The following TMEM40 variants were observed in gnomAD, a reference collection of about 807,000 sequenced individuals.
TMEM40 encodes the protein transmembrane protein 40.
A neutral mutation model predicts 40.8 loss-of-function variants in TMEM40; 34 were observed. The observed-to-expected ratio is 0.83, with a 90% CI of 0.63 to 1.11. The LOEUF is 1.11. Among genes scored for constraint, TMEM40 ranks in the 50% least tolerant of loss-of-function variants. TMEM40 has a pLI of 0.00. For synonymous variants in TMEM40, 106 were observed against 107.0 expected, an observed-to-expected ratio of 0.99 and a Z score of 0.06; for missense variants, 296 against 280.2, an observed-to-expected ratio of 1.06 and a Z score of -0.40.
chr3:12,756,889 C>T (rs2061533000), intron 1 of TMEM40, among the ~76,000 whole-genome samples: 1 of 152,014 alleles, frequency 6.6e-6, no homozygotes, highest in Admixed American at 6.6e-5. Flanking sequence ...CATACACACA[C>T]ACAACTGACA....
intron 1 of TMEM40, among the ~76,000 whole-genome samples, chr3:12,766,680 T>C (rs2061596190): frequency 6.6e-6 from 1 of 152,140 alleles, no homozygotes; most frequent in Non-Finnish European, 1.5e-5. Context: ...CTCCAGTCCA[T>C]CGGCCACCCT....
At chr3:12,754,174 T>C (rs575027319) in intron 1 of TMEM40, among the ~76,000 whole-genome samples, 117 of 152,222 alleles carry the variant, frequency 7.7e-4, no homozygotes, top group African/African-American at 2.5e-3. Flanking sequence ...TAGCCGGGCA[T>C]GGTGGCGGGC....
intron 1 of TMEM40, among the ~76,000 whole-genome samples, chr3:12,765,216 T>C (rs2061588801): frequency 6.6e-6 from 1 of 152,234 alleles, no homozygotes; most frequent in Non-Finnish European, 1.5e-5. Flanking sequence ...TCCTAGCTCA[T>C]TCTGATTTGT....
upstream of TMEM40, chr3:12,759,576 C>T (rs957741080): frequency 6.6e-6 from 1 of 152,462 alleles, no homozygotes; most frequent in East Asian, 1.9e-4. Flanking sequence ...GGTACCCCCT[C>T]CACCCACATT....
chr3:12,753,151 C>T (rs2061491216), intron 1 of TMEM40, among the ~76,000 whole-genome samples: 1 of 151,444 alleles, frequency 6.6e-6, no homozygotes, highest in South Asian at 2.1e-4. Context: ...TTTCAATGTC[C>T]TTGTCTATTC....
intron 3 of TMEM40, among the ~76,000 whole-genome samples, chr3:12,745,486 T>C (rs1191249530): frequency 6.6e-6 from 1 of 152,224 alleles, no homozygotes; most frequent in Non-Finnish European, 1.5e-5. Flanking sequence ...TCTCACTCTG[T>C]CATCAAGGCC....
rs2061448216 is a variant in TMEM40, at chr3:12,748,692, G to A, written c.174C>T (p.Ser58=). 6.2e-7 allele frequency: 1 copy of A among 1,613,110 alleles called. No individual in the cohort carries two copies. Among genetic ancestry groups the A allele is most frequent in the Non-Finnish European group, 8.5e-7 (1 of 1,179,338 alleles). The stretch of plus-strand genomic sequence containing the variant: ...AGGATGAAGAAGATGAGGAGGATGA[G>A]GAGGAAGAGGAGGAGGAGGAAGAAG... ...NKSSSSSSSS[S]SSSSSSSSSS... is the part of the protein sequence containing the mutation. The change falls in exon 3 of 12, where the codon TCC becomes TCT. Residue 58 remains serine (S), a synonymous_variant. Transcript: ENST00000314124.
rs1361126344 is a variant in TMEM40, at chr3:12,739,470, G to T, written c.356-882C>A. Among the ~76,000 whole-genome samples the T allele has an allele frequency of 2.0e-5, 3 of 152,024 alleles. No homozygotes were observed. In the East Asian group the frequency reaches 5.8e-4, roughly 29 times the overall value. ...TGGCTAATTTTTTGTATTTTTAGTA[G>T]AGACGGGGTTTCACCATGTTAGCCA... is the stretch of plus-strand genomic sequence containing the variant. On this transcript the variant is annotated intron_variant, in intron 5 of 11. Transcript: ENST00000314124.
chr3:12,755,944 G>A (rs777457738), intron 1 of TMEM40, among the ~76,000 whole-genome samples: 1 of 152,158 alleles, frequency 6.6e-6, no homozygotes, highest in Admixed American at 6.5e-5. Context: ...AAGAAACCGC[G>A]GATGGAGATA....
At chr3:12,750,713 G>T (rs2061469051) in intron 1 of TMEM40, among the ~76,000 whole-genome samples, 1 of 152,184 alleles carries the variant, frequency 6.6e-6, no homozygotes, top group African/African-American at 2.4e-5. Flanking sequence ...CTCCTGAGTA[G>T]CTGGGACTAC....
chr3:12,764,977 T>C (rs1311750513), intron 1 of TMEM40, among the ~76,000 whole-genome samples: 7 of 151,880 alleles, frequency 4.6e-5, no homozygotes, highest in African/African-American at 1.7e-4. Context: ...GTTCAAGCAA[T>C]TCTCCTGCCT....
rs185417760 is a variant in TMEM40, at chr3:12,739,611, G to A, written c.356-1023C>T. On this transcript the variant is annotated intron_variant, in intron 5 of 11. Transcript: ENST00000314124. ...CAGTGATTTTTTTTTAATAGAGACA[G>A]GGTCTTATTATGTTGCCCAGGCTGG... Among the ~76,000 whole-genome samples the A allele has an allele frequency of 3.8e-3, 583 of 151,502 alleles. 4 individuals carry two copies. The highest frequency in any genetic ancestry group is 0.013 in the African/African-American group (547 of 41,296).
upstream of TMEM40, among the ~76,000 whole-genome samples, chr3:12,762,715 C>T (rs1445794414): frequency 6.6e-6 from 1 of 152,172 alleles, no homozygotes; most frequent in East Asian, 1.9e-4. Flanking sequence ...AAAATATAGT[C>T]CCCGGACCAG....
At chr3:12,759,784 C>T (rs931519681), upstream of TMEM40, among the ~76,000 whole-genome samples, 1 of 152,130 alleles carries the variant, frequency 6.6e-6, no homozygotes, top group Non-Finnish European at 1.5e-5. Context: ...TTGGAGAGCA[C>T]CCACTCGCCT....
At chr3:12,749,442 C>A (rs1454826111) in intron 2 of TMEM40, among the ~76,000 whole-genome samples, 2 of 152,208 alleles carry the variant, frequency 1.3e-5, no homozygotes, top group Non-Finnish European at 2.9e-5. Context: ...AAGTCCTAAA[C>A]CTTCCCATTC....
chr3:12,734,122 C>A lies in TMEM40; in HGVS notation c.*652G>T, dbSNP rs1353008754. 1 of 152,122 alleles carries A rather than the reference C, an allele frequency of 6.6e-6. No homozygotes were observed. Among genetic ancestry groups the A allele is most frequent in the African/African-American group, 2.4e-5 (1 of 41,366 alleles). The allele number at this position is 152,122 out of a possible 1,614,324, so 9.4% of individuals were successfully genotyped here. A position where few individuals can be genotyped will look rare whatever the true frequency, so the allele number is the denominator to read the frequency against. ...GAGATGGGGGTCTCACTATGTTGCC[C>A]AGGTTGGTCTTGAACTCTCAGCTTC... On this transcript the variant is annotated 3_prime_UTR_variant, in exon 12 of 12. Transcript: ENST00000314124.
Position 12,769,051 on chromosome 3 carries a change from A to G in TMEM40, c.-9+200T>C, listed in dbSNP as rs1304317227. On this transcript the variant is annotated intron_variant, in intron 1 of 11. Coordinates refer to the TMEM40 transcript ENST00000264728. ...TAAGGCCCTGCGAGAAATCGAGTGCAGCGCCAGTAGGCTGGCATTGCTGGG... is the reference window on the plus strand; with the variant it reads ...TAAGGCCCTGCGAGAAATCGAGTGCGGCGCCAGTAGGCTGGCATTGCTGGG... 3.3e-5 allele frequency among the ~76,000 whole-genome samples: 5 copies of G among 152,054 alleles called. No homozygotes were observed. In the East Asian group the frequency reaches 9.6e-4, roughly 29 times the overall value.
At chr3:12,753,097 T>A (rs1370223080) in intron 1 of TMEM40, among the ~76,000 whole-genome samples, 1 of 152,084 alleles carries the variant, frequency 6.6e-6, no homozygotes, top group African/African-American at 2.4e-5. Context: ...AGGGGAGGAA[T>A]GGAACCATCA....
At chr3:12,734,944 G>T in intron 11 of TMEM40, 151 bp from the exon 12 acceptor site, 1 of 819,016 alleles carries the variant, frequency 1.2e-6, no homozygotes, top group East Asian at 2.7e-5. Flanking sequence ...AGTCATAATA[G>T]CTAGTTTTCT....
Sources: allele counts gnomAD v4.1 joint callset (sites outside exome capture counted in the v4.1 genomes callset), GRCh38; gene constraint gnomAD v4.1.1; transcripts MANE v1.5; gene names NCBI Gene and HGNC (gene_info 2026-07-23, HGNC 2026-07-21).